The following CFAP91 variants were observed in gnomAD, a reference collection of about 807,000 sequenced individuals.
CFAP91 encodes the protein cilia and flagella associated protein 91, also known as cilia- and flagella-associated protein 91.
CFAP91 carries 85 observed loss-of-function variants against 95.9 expected under a neutral mutation model. The observed-to-expected ratio is 0.89, with a 90% CI of 0.74 to 1.06. CFAP91 has a LOEUF of 1.06. Among genes scored for constraint, CFAP91 ranks in the 50% least tolerant of loss-of-function variants. CFAP91 has a pLI of 0.00. For missense variants in CFAP91, 962 were observed against 943.4 expected (o/e 1.02, Z -0.26); for synonymous variants, 335 against 327.5 (o/e 1.02, Z -0.25).
intron 17 of CFAP91, among the ~76,000 whole-genome samples, chr3:119,762,601 C>G (rs2054556921): frequency 6.6e-6 from 1 of 151,962 alleles, no homozygotes; most frequent in Non-Finnish European, 1.5e-5. Context: ...CTATGCTAAT[C>G]AAAACAGCAT....
At chr3:119,759,402 G>A (rs1371000691) in intron 17 of CFAP91, among the ~76,000 whole-genome samples, 1 of 151,868 alleles carries the variant, frequency 6.6e-6, no homozygotes, top group African/African-American at 2.4e-5. Flanking sequence ...GGGGTAAATG[G>A]GAGCTTATGG....
intron 10 of CFAP91, among the ~76,000 whole-genome samples, chr3:119,736,373 G>A (rs1199068052): frequency 6.8e-6 from 1 of 146,094 alleles, no homozygotes; most frequent in Non-Finnish European, 1.5e-5. Flanking sequence ...CCAGGTTGAC[G>A]CCATTCTCCT....
At position 119,724,574 on chromosome 3, in the gene CFAP91, A is replaced by G. The variant is rs185776310; in HGVS notation, c.683-1597A>G. Among the ~76,000 whole-genome samples the G allele has an allele frequency of 4.1e-4, 63 of 152,292 alleles. No homozygotes were observed. The East Asian group carries it at 0.012, about 28-fold the overall frequency. Reference sequence around the variant, plus strand: ...CATACATATATGTGGTATTTTGTATACAGATTTATTTACTTCTTTATACAT... The same window carrying G: ...CATACATATATGTGGTATTTTGTATGCAGATTTATTTACTTCTTTATACAT... On this transcript the variant is annotated intron_variant, in intron 6 of 17. Transcript: ENST00000273390.
At chr3:119,747,661 C>T in intron 15 of CFAP91, 150 bp from the exon 16 acceptor site, 1 of 694,182 alleles carries the variant, frequency 1.4e-6, no homozygotes, top group Non-Finnish European at 2.3e-6. Context: ...GTTAAACAAA[C>T]TTGCCAGGAA....
Position 119,744,065 on chromosome 3 carries a change from CAGG to C in CFAP91, c.1777_1779del (p.Glu593del), listed in dbSNP as rs1175092538. On this transcript the variant is annotated inframe_deletion, in exon 14 of 18. Coordinates refer to ENST00000273390, the MANE Select transcript of CFAP91 (RefSeq NM_033364.4). ...CCTGTCCAAAGAGCTGGTGAGACTG[CAGG>C]AGGAGAGGAGGATCCATGCCTTTGT... is the stretch of plus-strand genomic sequence containing the variant. 1.2e-6 allele frequency: 2 copies of C among 1,614,168 alleles called. No homozygotes were observed. The highest frequency in any genetic ancestry group is 2.2e-5 in the South Asian group (2 of 91,082).
Position 119,739,259 on chromosome 3 carries a change from A to C in CFAP91, c.1466A>C (p.Glu489Ala). ...GTTCTCCCTTTGTTCTTTTAGGAAG[A>C]AGAAGAAATGGAAATGGCTGTGATC... ...TPTLEMTSNE[E>A]EEMEMAVIYL... Residue 489 changes from glutamate (E) to alanine (A), a missense_variant, in exon 12 of 18, where the codon GAA (glutamate) becomes GCA (alanine). Coordinates refer to ENST00000273390, the MANE Select transcript of CFAP91 (RefSeq NM_033364.4). The C allele has an allele frequency of 6.2e-7, 1 of 1,614,032 alleles. No individual in the cohort carries two copies. The highest frequency in any genetic ancestry group is 8.5e-7 in the Non-Finnish European group (1 of 1,179,878).
At chr3:119,708,082 C>T (rs887147675) in intron 3 of CFAP91, among the ~76,000 whole-genome samples, 2 of 151,848 alleles carry the variant, frequency 1.3e-5, no homozygotes, top group Non-Finnish European at 2.9e-5. Flanking sequence ...GAGATTGAGA[C>T]CATCCTGGCT....
intron 16 of CFAP91, among the ~76,000 whole-genome samples, chr3:119,749,854 A>T (rs905101755): frequency 1.3e-5 from 2 of 152,240 alleles, no homozygotes; most frequent in Non-Finnish European, 2.9e-5. Context: ...GACCTTAAAG[A>T]TACCTGTATA....
At chr3:119,761,710 C>A (rs1413868814) in intron 17 of CFAP91, among the ~76,000 whole-genome samples, 1 of 151,708 alleles carries the variant, frequency 6.6e-6, no homozygotes, top group Non-Finnish European at 1.5e-5. Flanking sequence ...TGTGATATAC[C>A]ATATTAACAG....
intron 10 of CFAP91, 28 bp from the exon 11 acceptor site, chr3:119,737,336 AAG>A (rs1271867810): frequency 1.5e-6 from 2 of 1,365,788 alleles, no homozygotes; most frequent in Non-Finnish European, 1.0e-6. Flanking sequence ...TTGTTAAAAA[AAG>A]AGATTATATT....
chr3:119,740,693 A>G lies in CFAP91; in HGVS notation c.1678A>G (p.Lys560Glu). The G allele has an allele frequency of 3.1e-6, 5 of 1,613,534 alleles. No individual in the cohort carries two copies. The highest frequency in any genetic ancestry group is 2.5e-6 in the Non-Finnish European group (3 of 1,179,710). The stretch of plus-strand genomic sequence containing the variant: ...GCGGCAGAGGAACTTGCATGAGCAC[A>G]AGGTTTTCCTTTTTTTGTTTTCTTG... ...LQRQRNLHEH[K>E]VSLVENHLAG... Residue 560 changes from lysine to glutamate, a missense_variant and splice_region_variant, in exon 13 of 18, where the codon AAG becomes GAG. Transcript: ENST00000273390.
intron 6 of CFAP91, among the ~76,000 whole-genome samples, chr3:119,719,426 G>T (rs1393201570): frequency 1.3e-5 from 2 of 151,308 alleles, no homozygotes; most frequent in South Asian, 2.2e-4. Flanking sequence ...TTTACATAAA[G>T]ATAAGGGAAA....
At chr3:119,736,584 T>C (rs1343141187) in intron 10 of CFAP91, among the ~76,000 whole-genome samples, 1 of 152,134 alleles carries the variant, frequency 6.6e-6, no homozygotes, top group African/African-American at 2.4e-5. Flanking sequence ...CCTATTCTAC[T>C]TTCTTTTTAT....
chr3:119,761,819 C>G (rs559621007), intron 17 of CFAP91, among the ~76,000 whole-genome samples: 5 of 151,692 alleles, frequency 3.3e-5, no homozygotes, highest in African/African-American at 1.2e-4. Context: ...TTAACAGATT[C>G]ATTATAGAAC....
chr3:119,731,724 T>C (rs550038430), intron 8 of CFAP91, among the ~76,000 whole-genome samples: 2 of 152,150 alleles, frequency 1.3e-5, no homozygotes, highest in African/African-American at 4.8e-5. Context: ...GGGTCTGTGA[T>C]GGGATTTGAG....
At chr3:119,706,348 A>G (rs1283301999) in intron 1 of CFAP91, 1 of 152,464 alleles carries the variant, frequency 6.6e-6, no homozygotes, top group Non-Finnish European at 1.5e-5. Flanking sequence ...CAATTCTGAG[A>G]TATCATGTGG....
At chr3:119,743,087 C>G (rs76513087) in intron 13 of CFAP91, among the ~76,000 whole-genome samples, 1 of 151,690 alleles carries the variant, frequency 6.6e-6, no homozygotes, top group Non-Finnish European at 1.5e-5. Flanking sequence ...CAATGGGTCC[C>G]TAATTTTGCC....
intron 4 of CFAP91, 92 bp from the exon 5 acceptor site, chr3:119,709,747 A>T: frequency 1.0e-6 from 1 of 972,338 alleles, no homozygotes; most frequent in Non-Finnish European, 1.6e-6. Flanking sequence ...AAGCTCACTG[A>T]TTTTTAAGGG....
intron 17 of CFAP91, among the ~76,000 whole-genome samples, chr3:119,759,034 A>G (rs902604117): frequency 3.3e-5 from 5 of 152,062 alleles, no homozygotes; most frequent in Non-Finnish European, 7.4e-5. Flanking sequence ...TTAAATGAGT[A>G]TCCTTGATTT....
Sources: allele counts gnomAD v4.1 joint callset (sites outside exome capture counted in the v4.1 genomes callset), GRCh38; gene constraint gnomAD v4.1.1; transcripts MANE v1.5; gene names NCBI Gene and HGNC (gene_info 2026-07-23, HGNC 2026-07-21).